Variants in EML1 observed in about 807,000 individuals in gnomAD.
EML1 encodes the protein EMAP like 1.
In EML1, 27 loss-of-function variants were observed where a neutral mutation model predicts 110.4. The ratio of observed to expected loss-of-function variants is 0.24; its 90% CI spans 0.18 to 0.34. EML1 has a LOEUF of 0.34. Among genes scored for constraint, EML1 ranks in the 10% least tolerant of loss-of-function variants. The pLI, the probability that EML1 is intolerant of heterozygous loss-of-function variation, is 1.00. For synonymous variants in EML1, 344 were observed against 385.8 expected (o/e 0.89, Z 1.27); for missense variants, 741 against 1,030.9 (o/e 0.72, Z 3.85).
chr14:99,898,751 CA>C (rs35606709), intron 8 of EML1, among the ~76,000 whole-genome samples: 46,936 of 107,506 alleles, frequency 0.44, 7,237 homozygotes, highest in South Asian at 0.54. Context: ...GACTAAGTCT[CA>C]AAAAAAAAAA....
rs1203757560 is a variant in EML1 at position 99,940,269 on chromosome 14, G to A, written c.*157G>A. The A allele has an allele frequency of 6.8e-6, 7 of 1,022,214 alleles. No individual in the cohort carries two copies. Among genetic ancestry groups the A allele is most frequent in the African/African-American group, 1.6e-5 (1 of 60,860 alleles). 63.3% of individuals were successfully genotyped at this position (1,022,214 alleles called of 1,614,324 possible). A position where few individuals can be genotyped will look rare whatever the true frequency, so the allele number is the denominator to read the frequency against. ...ACCTTAGCTTAGCGTGTCAGCGGGC[G>A]CCACAGCGGATCAGCGGTTCCGTGT... On this transcript the variant is annotated 3_prime_UTR_variant, in exon 22 of 22. Coordinates refer to ENST00000262233, the MANE Select transcript of EML1 (RefSeq NM_004434.3).
intron 5 of EML1, 38 bp from the exon 6 acceptor site, chr14:99,894,591 A>G (rs752052142): frequency 6.3e-7 from 1 of 1,597,176 alleles, no homozygotes; most frequent in African/African-American, 1.3e-5. Flanking sequence ...TACGCTGGGC[A>G]CTGAGGTATC....
intron 1 of EML1, among the ~76,000 whole-genome samples, chr14:99,811,715 G>A (rs1214859431): frequency 6.6e-6 from 1 of 151,448 alleles, no homozygotes; most frequent in African/African-American, 2.4e-5. Flanking sequence ...AGAGGCTGGG[G>A]TGGAGGATTG....
At chr14:99,921,587 A>G (rs2060131284) in intron 17 of EML1, among the ~76,000 whole-genome samples, 1 of 152,332 alleles carries the variant, frequency 6.6e-6, no homozygotes, top group South Asian at 2.1e-4. Context: ...CTCATCCGCC[A>G]GCTTCAATGA....
At chr14:99,926,537 G>A (rs538306530) in intron 17 of EML1, among the ~76,000 whole-genome samples, 11 of 151,950 alleles carry the variant, frequency 7.2e-5, no homozygotes, top group East Asian at 5.8e-4. Flanking sequence ...TGCCCGCCTC[G>A]GCCTCCCAAA....
At chr14:99,937,173 G>A (rs1249929087) in intron 19 of EML1, among the ~76,000 whole-genome samples, 6 of 152,240 alleles carry the variant, frequency 3.9e-5, no homozygotes, top group African/African-American at 1.4e-4. Flanking sequence ...ACCACTGGCG[G>A]CAGGGAAAGC....
intron 1 of EML1, among the ~76,000 whole-genome samples, chr14:99,837,120 T>G (rs1365843155): frequency 6.6e-6 from 1 of 151,694 alleles, no homozygotes; most frequent in Non-Finnish European, 1.5e-5. Context: ...ATCTCTGAAG[T>G]TTTTTCTCTT....
Position 99,941,159 on chromosome 14 carries a change from T to G in EML1, c.*1047T>G, listed in dbSNP as rs1044723562. On this transcript the variant is annotated 3_prime_UTR_variant, in exon 22 of 22. Transcript: ENST00000262233. ...TACAGTATGAGATAAGATTGAGTTC[T>G]GATGCGTTAAACGGAGGTGGCAGAA... 1 of 152,226 alleles carries G rather than the reference T, an allele frequency of 6.6e-6. No individual in the cohort carries two copies. Among genetic ancestry groups the G allele is most frequent in the African/African-American group, 2.4e-5 (1 of 41,462 alleles). The allele number at this position is 152,226 out of a possible 1,614,324, so 9.4% of individuals were successfully genotyped here.
chr14:99,791,683 G>A (rs1461203108), upstream of EML1, among the ~76,000 whole-genome samples: 1 of 152,174 alleles, frequency 6.6e-6, no homozygotes, highest in Non-Finnish European at 1.5e-5. Context: ...ATCCTGGGCT[G>A]TTCCAGCAAC....
chr14:99,858,937 T>C (rs1030900074), intron 2 of EML1, among the ~76,000 whole-genome samples: 21 of 152,220 alleles, frequency 1.4e-4, no homozygotes, highest in African/African-American at 4.8e-4. Flanking sequence ...GGGAGTTTTA[T>C]ATATCAAATA....
intron 20 of EML1, among the ~76,000 whole-genome samples, 177 bp downstream of exon 20, chr14:99,938,089 C>T (rs532787148): frequency 2.0e-5 from 3 of 152,064 alleles, no homozygotes; most frequent in Non-Finnish European, 4.4e-5. Flanking sequence ...CTTGCCTGGC[C>T]GTGGCCCACT....
intron 1 of EML1, among the ~76,000 whole-genome samples, chr14:99,803,587 C>T (rs1180635224): frequency 2.6e-5 from 4 of 152,176 alleles, no homozygotes; most frequent in East Asian, 1.9e-4. Flanking sequence ...GAATGCCTCT[C>T]GCTAGACACC....
chr14:99,778,142 G>A (rs61316733), intron 1 of EML1, among the ~76,000 whole-genome samples: 7,970 of 152,156 alleles, frequency 0.052, 563 homozygotes, highest in African/African-American at 0.16. Flanking sequence ...GTCCTGCCAG[G>A]AAGATGAAGA....
intron 1 of EML1, among the ~76,000 whole-genome samples, chr14:99,748,400 C>G (rs2057137975): frequency 1.3e-5 from 2 of 152,038 alleles, no homozygotes; most frequent in South Asian, 4.1e-4. Context: ...TAGAAAGTGT[C>G]CTGGGTTCCA....
At chr14:99,805,869 C>T (rs1360327834) in intron 1 of EML1, among the ~76,000 whole-genome samples, 1 of 151,954 alleles carries the variant, frequency 6.6e-6, no homozygotes, top group South Asian at 2.1e-4. Context: ...CAGTTCATGG[C>T]GCTAAGTACA....
chr14:99,830,288 T>A (rs2058427655), intron 1 of EML1, among the ~76,000 whole-genome samples: 1 of 152,182 alleles, frequency 6.6e-6, no homozygotes, highest in South Asian at 2.1e-4. Flanking sequence ...CATTTGTATA[T>A]CTTCTTAGAG....
At chr14:99,920,670 A>C in intron 16 of EML1, 119 bp from the exon 17 acceptor site, 1 of 783,062 alleles carries the variant, frequency 1.3e-6, no homozygotes, top group Non-Finnish European at 1.9e-6. Flanking sequence ...TTTCTTATTA[A>C]GCAAATTCTG....
At chr14:99,843,440 A>G (rs10484069) in intron 1 of EML1, among the ~76,000 whole-genome samples, 66,549 of 152,084 alleles carry the variant, frequency 0.44, 14,791 homozygotes, top group African/African-American at 0.53. Context: ...CAATAGTAAC[A>G]ATAACTTAAT....
rs576672582 is a variant in EML1, at chr14:99,741,652, G to A, written c.28+3792G>A. 1.1e-4 allele frequency among the ~76,000 whole-genome samples: 16 copies of A among 151,584 alleles called. No homozygotes were observed. In the East Asian group the frequency reaches 3.1e-3, roughly 29 times the overall value. On this transcript the variant is annotated intron_variant, in intron 1 of 10. Transcript: ENST00000554479. ...CACCCCCCCCCAGACCTCACAGTGGGCCCCTCACCAGGGACCAGGGCAGCG... is the reference window on the plus strand; with the variant it reads ...CACCCCCCCCCAGACCTCACAGTGGACCCCTCACCAGGGACCAGGGCAGCG...
Sources: allele counts gnomAD v4.1 joint callset (sites outside exome capture counted in the v4.1 genomes callset), GRCh38; gene constraint gnomAD v4.1.1; transcripts MANE v1.5; gene names NCBI Gene and HGNC (gene_info 2026-07-23, HGNC 2026-07-21).